Variants in NXPH1 observed in about 807,000 individuals in gnomAD.
NXPH1 encodes neurexophilin 1, also known as neurexophilin-1.
A neutral mutation model predicts 23.7 loss-of-function variants in NXPH1; 5 were observed. That is an observed-to-expected ratio of 0.21 (90% CI 0.11 to 0.44). The LOEUF is 0.44. NXPH1 is among the 20% of genes least tolerant of loss of function. NXPH1 has a pLI of 0.99. For missense variants in NXPH1, 324 were observed against 321.6 expected (o/e 1.01, Z -0.06); for synonymous variants, 144 against 122.2 (o/e 1.18, Z -1.18).
At chr7:8,589,776 A>G (rs1055778733) in intron 2 of NXPH1, among the ~76,000 whole-genome samples, 1 of 152,124 alleles carries the variant, frequency 6.6e-6, no homozygotes, top group East Asian at 1.9e-4. Context: ...GCAGGTCTAC[A>G]GTTGTAGCTG....
chr7:8,660,853 T>A (rs1160046985), intron 2 of NXPH1, among the ~76,000 whole-genome samples: 4 of 152,206 alleles, frequency 2.6e-5, no homozygotes, highest in African/African-American at 9.6e-5. Context: ...TTACTATTTG[T>A]CTTTTATTTA....
intron 2 of NXPH1, among the ~76,000 whole-genome samples, chr7:8,604,611 A>G (rs1296038838): frequency 6.6e-6 from 1 of 152,240 alleles, no homozygotes; most frequent in East Asian, 1.9e-4. Flanking sequence ...TCATGGTTAT[A>G]TGTTTTTCAT....
At chr7:8,543,965 C>A (rs1404236596) in intron 2 of NXPH1, among the ~76,000 whole-genome samples, 1 of 151,354 alleles carries the variant, frequency 6.6e-6, no homozygotes, top group African/African-American at 2.4e-5. Flanking sequence ...TTTCTGGAGG[C>A]AATTGAGGGC....
chr7:8,677,002 T>C (rs1415176518), intron 2 of NXPH1, among the ~76,000 whole-genome samples: 2 of 152,234 alleles, frequency 1.3e-5, no homozygotes, highest in Non-Finnish European at 2.9e-5. Context: ...GTTTTGTTTA[T>C]TCCAATTGTG....
chr7:8,605,205 T>C (rs1217074666), intron 2 of NXPH1, among the ~76,000 whole-genome samples: 1 of 152,156 alleles, frequency 6.6e-6, no homozygotes, highest in Non-Finnish European at 1.5e-5. Context: ...TGCAGTGTTA[T>C]AGGGTAGCTT....
chr7:8,536,692 A>G (rs1437699139), intron 2 of NXPH1, among the ~76,000 whole-genome samples: 1 of 150,198 alleles, frequency 6.7e-6, no homozygotes, highest in Non-Finnish European at 1.5e-5. Flanking sequence ...TAAGGGGCCC[A>G]GAGAAGAAGA....
At chr7:8,519,534 T>A (rs1203618276) in intron 2 of NXPH1, among the ~76,000 whole-genome samples, 3 of 152,236 alleles carry the variant, frequency 2.0e-5, no homozygotes, top group Non-Finnish European at 4.4e-5. Context: ...GACTAGGTTA[T>A]ACAAGGAAAG....
rs573953448 is a variant in NXPH1 at position 8,727,536 on chromosome 7, A to G, written c.55-23472A>G. 4.6e-5 allele frequency among the ~76,000 whole-genome samples: 7 copies of G among 151,920 alleles called. 1 individual carries two copies. Among genetic ancestry groups the G allele is most frequent in the Non-Finnish European group, 8.8e-5 (6 of 68,012 alleles). On this transcript the variant is annotated intron_variant, in intron 2 of 2. Transcript: ENST00000405863. ...TGTATAAGGTGTAAGGAAGGGATCCAGTTTCAGCTTTCTACATATTGCTAG... is the reference window on the plus strand; with the variant it reads ...TGTATAAGGTGTAAGGAAGGGATCCGGTTTCAGCTTTCTACATATTGCTAG...
intron 2 of NXPH1, among the ~76,000 whole-genome samples, chr7:8,725,938 A>G (rs983032573): frequency 6.9e-4 from 105 of 152,226 alleles, no homozygotes; most frequent in African/African-American, 2.1e-3. Flanking sequence ...TCTAAATGAC[A>G]CAGGAATGTT....
At chr7:8,695,417 GTTA>G (rs139501110) in intron 2 of NXPH1, among the ~76,000 whole-genome samples, 4,756 of 152,224 alleles carry the variant, frequency 0.031, 264 homozygotes, top group African/African-American at 0.11. Flanking sequence ...GTTTACAAGA[GTTA>G]TTATGTTTTT....
chr7:8,572,142 C>A (rs193037778), intron 2 of NXPH1, among the ~76,000 whole-genome samples: 1 of 151,934 alleles, frequency 6.6e-6, no homozygotes, highest in Non-Finnish European at 1.5e-5. Flanking sequence ...ATGGAATATA[C>A]ATATATTTTA....
intron 2 of NXPH1, among the ~76,000 whole-genome samples, chr7:8,480,151 A>G (rs1018351365): frequency 6.6e-6 from 1 of 152,134 alleles, no homozygotes; most frequent in Non-Finnish European, 1.5e-5. Context: ...ACATAGGTCT[A>G]TATTTTGATA....
chr7:8,541,751 A>C (rs1307883504), intron 2 of NXPH1, among the ~76,000 whole-genome samples: 1 of 151,704 alleles, frequency 6.6e-6, no homozygotes, highest in Non-Finnish European at 1.5e-5. Flanking sequence ...GAAGTATATT[A>C]ATATAAGGTT....
At chr7:8,750,238 T>A (rs1780540609) in intron 2 of NXPH1, among the ~76,000 whole-genome samples, 1 of 152,236 alleles carries the variant, frequency 6.6e-6, no homozygotes, top group South Asian at 2.1e-4. Context: ...CAAGACTAAC[T>A]TTTCTAATAT....
At chr7:8,510,720 G>A (rs955629049) in intron 2 of NXPH1, among the ~76,000 whole-genome samples, 22 of 151,806 alleles carry the variant, frequency 1.4e-4, no homozygotes, top group South Asian at 8.3e-4. Context: ...CTTTATATGC[G>A]TATGTTCATA....
chr7:8,510,391 C>T (rs866112185), intron 2 of NXPH1, among the ~76,000 whole-genome samples: 22 of 151,928 alleles, frequency 1.4e-4, no homozygotes, highest in Admixed American at 1.1e-3. Flanking sequence ...ATGCCTGTCT[C>T]ACAGATGACA....
chr7:8,507,302 G>T (rs907862626), intron 2 of NXPH1, among the ~76,000 whole-genome samples: 1 of 151,722 alleles, frequency 6.6e-6, no homozygotes, highest in Non-Finnish European at 1.5e-5. Context: ...GAATTTGAAG[G>T]TGAAGGGGTA....
chr7:8,617,465 T>G (rs985074724), intron 2 of NXPH1, among the ~76,000 whole-genome samples: 7 of 152,126 alleles, frequency 4.6e-5, no homozygotes, highest in African/African-American at 1.7e-4. Context: ...AATGGAGTAC[T>G]ATTCAGCCAT....
chr7:8,641,225 C>T (rs1402708749), intron 2 of NXPH1, among the ~76,000 whole-genome samples: 8 of 152,056 alleles, frequency 5.3e-5, no homozygotes, highest in African/African-American at 1.9e-4. Context: ...AAGCTATCAT[C>T]CCTACCAAGT....
Sources: gnomAD v4.1 joint callset for allele counts (sites outside exome capture counted in the v4.1 genomes callset) on GRCh38, gnomAD v4.1.1 for gene constraint, MANE v1.5 for transcripts, NCBI Gene and HGNC (gene_info 2026-07-23, HGNC 2026-07-21) for gene names.